SETD3: variants seen among roughly 807,000 people sequenced by gnomAD.
SETD3 encodes SET domain containing 3, actin N3(tau)-histidine methyltransferase, also known as actin-histidine N-methyltransferase.
In SETD3, 19 loss-of-function variants were observed where a neutral mutation model predicts 63.0. The ratio of observed to expected loss-of-function variants is 0.30; its 90% CI spans 0.21 to 0.44. SETD3 has a LOEUF of 0.44. Ranked by LOEUF, SETD3 falls within the 20% of genes least tolerant of loss-of-function variation. SETD3 has a pLI of 1.00. For synonymous variants in SETD3, 286 were observed against 264.1 expected (o/e 1.08, Z -0.80); for missense variants, 587 against 728.5 (o/e 0.81, Z 2.24).
chr14:99,437,402 A>G (rs1595202852), intron 6 of SETD3, among the ~76,000 whole-genome samples: 1 of 150,524 alleles, frequency 6.6e-6, no homozygotes, highest in Non-Finnish European at 1.5e-5. Context: ...CCCTACTCCC[A>G]CTCTTTCTGC....
intron 6 of SETD3, among the ~76,000 whole-genome samples, chr14:99,440,823 T>TA (rs879856972): frequency 1.6e-4 from 23 of 139,658 alleles, no homozygotes; most frequent in East Asian, 1.2e-3. Flanking sequence ...AGAAAGCACT[T>TA]AAAAAAAAAA....
At chr14:99,404,195 C>T (rs1891553901) in intron 11 of SETD3, 30 bp downstream of exon 11, 5 of 1,574,014 alleles carry the variant, frequency 3.2e-6, no homozygotes, top group Non-Finnish European at 3.5e-6. Context: ...AGAAAAAAGT[C>T]AACATCTCTT....
chr14:99,431,012 C>G (rs1011143732), intron 6 of SETD3, among the ~76,000 whole-genome samples: 3 of 152,190 alleles, frequency 2.0e-5, no homozygotes, highest in Non-Finnish European at 4.4e-5. Context: ...TATGTATTAA[C>G]AAATGTAAAC....
In SETD3 at chr14:99,476,779, G is replaced by A. The variant is rs776815835; in HGVS notation, c.-9+3949C>T. 2.6e-4 allele frequency among the ~76,000 whole-genome samples: 39 copies of A among 152,174 alleles called. 1 individual carries two copies. Among genetic ancestry groups the A allele is most frequent in the Non-Finnish European group, 1.2e-4 (8 of 68,026 alleles). On this transcript the variant is annotated intron_variant, in intron 1 of 12. Transcript: ENST00000331768. The stretch of plus-strand genomic sequence containing the variant: ...GACTTTCTTAGACCTGTTATGTCCT[G>A]ATGAATTGTATTCTTAAAAAATGGA...
chr14:99,418,418 G>C (rs555157540), intron 6 of SETD3, among the ~76,000 whole-genome samples: 1 of 152,060 alleles, frequency 6.6e-6, no homozygotes, highest in African/African-American at 2.4e-5. Context: ...CCTAACTCAC[G>C]TGATGGTTTC....
At chr14:99,439,524 C>G (rs1480606136) in intron 6 of SETD3, among the ~76,000 whole-genome samples, 2 of 151,326 alleles carry the variant, frequency 1.3e-5, no homozygotes, top group African/African-American at 4.8e-5. Context: ...GACCGAACCA[C>G]AGGAGAAGCA....
chr14:99,427,446 A>G (rs1892944175), intron 6 of SETD3, among the ~76,000 whole-genome samples: 2 of 152,246 alleles, frequency 1.3e-5, no homozygotes, highest in Non-Finnish European at 2.9e-5. Flanking sequence ...AGGATGAACT[A>G]TATCTGCAAA....
intron 6 of SETD3, among the ~76,000 whole-genome samples, chr14:99,431,679 G>A (rs902068665): frequency 5.9e-5 from 9 of 152,044 alleles, no homozygotes; most frequent in East Asian, 1.9e-4. Context: ...TAGTAGAGAC[G>A]GGGTTTCTCC....
In SETD3 at chr14:99,464,546, C is replaced by T. The variant is rs189600375; in HGVS notation, c.104-968G>A. 2.8e-3 allele frequency among the ~76,000 whole-genome samples: 432 copies of T among 152,288 alleles called. 1 individual carries two copies. The highest frequency in any genetic ancestry group is 9.8e-3 in the African/African-American group (406 of 41,568). On this transcript the variant is annotated intron_variant, in intron 2 of 12. Coordinates refer to ENST00000331768, the MANE Select transcript of SETD3 (RefSeq NM_032233.3). Reference sequence around the variant, plus strand: ...GCGAGGAATGGGCAGGACAGCCACACTCCACCGGCCAGTAGGGTCCAGGGC... The same window carrying T: ...GCGAGGAATGGGCAGGACAGCCACATTCCACCGGCCAGTAGGGTCCAGGGC...
intron 6 of SETD3, among the ~76,000 whole-genome samples, chr14:99,424,389 G>A (rs1022463406): frequency 2.0e-5 from 3 of 152,192 alleles, no homozygotes; most frequent in Non-Finnish European, 2.9e-5. Flanking sequence ...AGGGAAAGAA[G>A]CCAGACCCCA....
chr14:99,409,719 TG>T (rs142843829), intron 8 of SETD3: 8,353 of 136,102 alleles, frequency 0.061, 483 homozygotes, highest in African/African-American at 0.15. Flanking sequence ...ATTGATTTCA[TG>T]GGGGGGGGGA....
In SETD3 at chr14:99,447,931, G is replaced by A. The variant is rs546616001; in HGVS notation, c.675+10348C>T. On this transcript the variant is annotated intron_variant, in intron 6 of 12. Transcript: ENST00000331768. ...GCAAGCTCACAGGCTGGACTGACAG[G>A]CCCGCAGTCCTCAGTCAGCAGGGCC... Among the ~76,000 whole-genome samples the A allele has an allele frequency of 4.6e-5, 7 of 152,338 alleles. No homozygotes were observed. The South Asian group carries it at 1.2e-3, about 27-fold the overall frequency.
chr14:99,481,185 C>T (rs1002356242), upstream of SETD3: 86 of 384,476 alleles, frequency 2.2e-4, no homozygotes, highest in Non-Finnish European at 3.7e-4. Flanking sequence ...TCCAGAATGC[C>T]TTTTCGCCCC....
Position 99,412,909 on chromosome 14 carries a change from A to G in SETD3, c.849+42T>C, listed in dbSNP as rs1275177993. 5.1e-6 allele frequency: 7 copies of G among 1,365,218 alleles called. No individual in the cohort carries two copies. The African/African-American group carries it at 5.7e-5, about 11-fold the overall frequency. 84.6% of individuals were successfully genotyped at this position (1,365,218 alleles called of 1,614,324 possible). ...CCCCCTCCCAAAGCTTAGCAACAAC[A>G]GCCTCCCAGATTCAACACAACACAG... is the stretch of plus-strand genomic sequence containing the variant. On this transcript the variant is annotated intron_variant, in intron 8 of 12. Transcript: ENST00000331768.
chr14:99,448,409 T>A (rs898210735), intron 6 of SETD3, among the ~76,000 whole-genome samples: 1 of 152,154 alleles, frequency 6.6e-6, no homozygotes, highest in Admixed American at 6.5e-5. Context: ...ACGGGTTTCC[T>A]ACGACGTGGA....
chr14:99,436,191 G>C (rs556673541), intron 6 of SETD3, among the ~76,000 whole-genome samples: 1 of 152,062 alleles, frequency 6.6e-6, no homozygotes, highest in African/African-American at 2.4e-5. Context: ...TGGTGATCAC[G>C]GGAATGATGG....
At chr14:99,407,292 G>A (rs1891733813) in intron 8 of SETD3, among the ~76,000 whole-genome samples, 1 of 152,140 alleles carries the variant, frequency 6.6e-6, no homozygotes, top group Admixed American at 6.5e-5. Context: ...TCTTAGTGAA[G>A]GTCAGCCAAT....
At chr14:99,430,918 T>C (rs1258643589) in intron 6 of SETD3, among the ~76,000 whole-genome samples, 2 of 152,220 alleles carry the variant, frequency 1.3e-5, no homozygotes, top group African/African-American at 2.4e-5. Context: ...AAATCAGCTC[T>C]AATCTAACAG....
At chr14:99,475,839 C>T (rs892007259) in intron 1 of SETD3, among the ~76,000 whole-genome samples, 2 of 152,158 alleles carry the variant, frequency 1.3e-5, no homozygotes, top group African/African-American at 4.8e-5. Context: ...ATCTCAAACA[C>T]AAAGATGATG....
Sources: allele counts gnomAD v4.1 joint callset (sites outside exome capture counted in the v4.1 genomes callset), GRCh38; gene constraint gnomAD v4.1.1; transcripts MANE v1.5; gene names NCBI Gene and HGNC (gene_info 2026-07-23, HGNC 2026-07-21).